The following SOS2 variants were observed in gnomAD, a reference collection of about 807,000 sequenced individuals.
SOS2 encodes the protein son of sevenless homolog 2.
A neutral mutation model predicts 148.2 loss-of-function variants in SOS2; 65 were observed. The observed-to-expected ratio is 0.44, with a 90% CI of 0.36 to 0.54. The LOEUF (loss-of-function observed/expected upper bound fraction) is 0.54. Ranked by LOEUF, SOS2 falls within the 20% of genes least tolerant of loss-of-function variation. SOS2 has a pLI of 0.00. For missense variants in SOS2, 1,341 were observed against 1,590.2 expected (o/e 0.84, Z 2.67); for synonymous variants, 539 against 537.1 (o/e 1.00, Z -0.05).
chr14:50,144,398 A>G (rs1227436186), intron 16 of SOS2, among the ~76,000 whole-genome samples: 1 of 152,128 alleles, frequency 6.6e-6, no homozygotes, highest in Non-Finnish European at 1.5e-5. Context: ...AATTTTCAAT[A>G]GTACATGTTA....
At chr14:50,229,992 G>A (rs1025560189) in intron 1 of SOS2, among the ~76,000 whole-genome samples, 1 of 152,124 alleles carries the variant, frequency 6.6e-6, no homozygotes, top group Non-Finnish European at 1.5e-5. Context: ...TTTAGCACTT[G>A]GTATACCAAT....
intron 8 of SOS2, among the ~76,000 whole-genome samples, chr14:50,168,449 T>C (rs1885237518): frequency 6.6e-6 from 1 of 152,166 alleles, no homozygotes; most frequent in Non-Finnish European, 1.5e-5. Flanking sequence ...CTCAAACTCC[T>C]GGGTTCACGC....
chr14:50,231,025 C>A, intron 1 of SOS2, 172 bp downstream of exon 1: 2 of 571,186 alleles, frequency 3.5e-6, no homozygotes, highest in Non-Finnish European at 5.0e-6. Flanking sequence ...AAAAAAAAAA[C>A]TTGAGAAACG....
At chr14:50,224,862 C>G (rs964921264) in intron 1 of SOS2, among the ~76,000 whole-genome samples, 1 of 104,688 alleles carries the variant, frequency 9.6e-6, no homozygotes, top group Non-Finnish European at 1.7e-5. Context: ...CTCCAGCCTG[C>G]GTAGCAGAGC....
Position 50,118,565 on chromosome 14 carries a change from T to C in SOS2, c.3778A>G (p.Ser1260Gly), listed in dbSNP as rs1381150331. 7 of 1,614,176 alleles carry C rather than the reference T, an allele frequency of 4.3e-6. No homozygotes were observed. The highest frequency in any genetic ancestry group is 5.9e-6 in the Non-Finnish European group (7 of 1,180,040). ...RDISTCPNSP[S>G]TPPSTPSPRV... is the part of the protein sequence containing the mutation. ...GGAGAGGGTGTGCTAGGAGGAGTGC[T>C]TGGCGAATTTGGACACGTACTAATG... Residue 1260 changes from serine to glycine, a missense_variant, in exon 23 of 23, where the codon AGC becomes GGC. This residue lies in a region of SOS2 where 354 missense variants were observed against 347.7 expected (regional missense o/e 1.02). Transcript: ENST00000216373.
intron 7 of SOS2, among the ~76,000 whole-genome samples, chr14:50,175,827 T>A (rs1885504016): frequency 6.6e-6 from 1 of 152,192 alleles, no homozygotes; most frequent in South Asian, 2.1e-4. Flanking sequence ...ATATGCTGCT[T>A]TAAAAAAATC....
intron 5 of SOS2, among the ~76,000 whole-genome samples, chr14:50,185,336 T>C (rs568095782): frequency 9.2e-5 from 14 of 152,210 alleles, no homozygotes; most frequent in African/African-American, 3.4e-4. Flanking sequence ...GAGAATTACT[T>C]TGGTGTATGG....
intron 8 of SOS2, among the ~76,000 whole-genome samples, chr14:50,168,719 TTC>T (rs1310788267): frequency 6.6e-6 from 1 of 152,176 alleles, no homozygotes; most frequent in Non-Finnish European, 1.5e-5. Context: ...CCAAAATAAA[TTC>T]TGTCTCATGT....
intron 21 of SOS2, among the ~76,000 whole-genome samples, chr14:50,127,604 T>G (rs778933260): frequency 1.1e-4 from 17 of 152,232 alleles, no homozygotes; most frequent in Non-Finnish European, 2.1e-4. Context: ...AGTTGCTTAC[T>G]TGCTCTGGCT....
chr14:50,218,155 A>C (rs1344466164), intron 1 of SOS2, among the ~76,000 whole-genome samples: 1 of 150,316 alleles, frequency 6.7e-6, no homozygotes, highest in Non-Finnish European at 1.5e-5. Flanking sequence ...AAAAAAAAGA[A>C]AGAAAGAAAA....
At chr14:50,169,444 T>C (rs1885287573) in intron 8 of SOS2, among the ~76,000 whole-genome samples, 1 of 152,106 alleles carries the variant, frequency 6.6e-6, no homozygotes, top group Non-Finnish European at 1.5e-5. Context: ...GAGACCAGCC[T>C]GGCCAACATG....
chr14:50,124,713 GAACT>G (rs1182177024), intron 21 of SOS2, among the ~76,000 whole-genome samples: 1 of 152,102 alleles, frequency 6.6e-6, no homozygotes, highest in African/African-American at 2.4e-5. Flanking sequence ...TAATGATGCT[GAACT>G]ATCTATAATT....
rs956380304 is a variant in SOS2, at chr14:50,149,649, C to T, written c.2384+359G>A. ...GAGCTGTAAATGAGAAAAGAAAACCCATCTCACACAATATTCTATTCACTT... is the reference window on the plus strand; with the variant it reads ...GAGCTGTAAATGAGAAAAGAAAACCTATCTCACACAATATTCTATTCACTT... On this transcript the variant is annotated intron_variant, in intron 14 of 22. Coordinates refer to ENST00000216373, the MANE Select transcript of SOS2 (RefSeq NM_006939.4). 5.3e-5 allele frequency among the ~76,000 whole-genome samples: 8 copies of T among 152,178 alleles called. 1 individual carries two copies. Among genetic ancestry groups the T allele is most frequent in the African/African-American group, 1.7e-4 (7 of 41,436 alleles).
chr14:50,222,644 A>G (rs12893241), intron 1 of SOS2, among the ~76,000 whole-genome samples: 92,042 of 151,994 alleles, frequency 0.61, 28,682 homozygotes, highest in Non-Finnish European at 0.69. Flanking sequence ...AAATTCAGCA[A>G]GTACAAAAGT....
At chr14:50,179,610 T>C (rs1467823825) in intron 7 of SOS2, among the ~76,000 whole-genome samples, 1 of 151,646 alleles carries the variant, frequency 6.6e-6, no homozygotes, top group African/African-American at 2.4e-5. Context: ...AGCAATCCTC[T>C]GACCTTAGCC....
At chr14:50,188,076 A>AGT (rs1885979601) in intron 5 of SOS2, among the ~76,000 whole-genome samples, 3 of 152,234 alleles carry the variant, frequency 2.0e-5, no homozygotes, top group Admixed American at 2.0e-4. Flanking sequence ...AATACATGAA[A>AGT]GTATTTTTAA....
chr14:50,191,826 T>C (rs1003866472), intron 4 of SOS2, among the ~76,000 whole-genome samples: 3 of 152,108 alleles, frequency 2.0e-5, no homozygotes, highest in Admixed American at 1.3e-4. Flanking sequence ...ATGTAAAATT[T>C]TTAGATCTGT....
chr14:50,160,136 G>A lies in SOS2; in HGVS notation c.1197-50C>T, dbSNP rs1336766238. Reference sequence around the variant, plus strand: ...TATTCAACAGCTAGCAACCCAAATGGTTTCAAGCATAAACCATCTCAAATC... The same window carrying A: ...TATTCAACAGCTAGCAACCCAAATGATTTCAAGCATAAACCATCTCAAATC... On this transcript the variant is annotated intron_variant, in intron 9 of 22. Coordinates refer to ENST00000216373, the MANE Select transcript of SOS2 (RefSeq NM_006939.4). The A allele has an allele frequency of 2.8e-6, 4 of 1,410,130 alleles. No homozygotes were observed. The African/African-American group carries it at 5.7e-5, about 20-fold the overall frequency. 87.4% of individuals were successfully genotyped at this position (1,410,130 alleles called of 1,614,324 possible).
chr14:50,203,425 C>A (rs1458574700), intron 2 of SOS2, among the ~76,000 whole-genome samples: 1 of 151,928 alleles, frequency 6.6e-6, no homozygotes, highest in Non-Finnish European at 1.5e-5. Flanking sequence ...TTGTTTTTAG[C>A]AGGAGAAAAT....
Sources: gnomAD v4.1 joint callset for allele counts (sites outside exome capture counted in the v4.1 genomes callset) on GRCh38, gnomAD v4.1.1 for gene constraint, gnomAD v4.1.1 regional missense constraint, MANE v1.5 for transcripts, NCBI Gene and HGNC (gene_info 2026-07-23, HGNC 2026-07-21) for gene names.